Variants in CMTR1 observed in about 807,000 individuals in gnomAD.
CMTR1 encodes the protein cap-specific mRNA (nucleoside-2'-O-)-methyltransferase 1.
A neutral mutation model predicts 107.0 loss-of-function variants in CMTR1; 39 were observed. The ratio of observed to expected loss-of-function variants is 0.36; its 90% CI spans 0.28 to 0.48. CMTR1 has a LOEUF of 0.48. Among genes scored for constraint, CMTR1 ranks in the 20% least tolerant of loss-of-function variants. The pLI is 0.99. For synonymous variants in CMTR1, 366 were observed against 379.5 expected (o/e 0.96, Z 0.41); for missense variants, 672 against 1,064.9 (o/e 0.63, Z 5.14).
At position 37,472,316 on chromosome 6, in the gene CMTR1, C is replaced by A; in HGVS notation, c.1621-103C>A. The A allele has an allele frequency of 9.8e-7, 1 of 1,021,690 alleles. No individual in the cohort carries two copies. Among genetic ancestry groups the A allele is most frequent in the Non-Finnish European group, 1.5e-6 (1 of 648,084 alleles). The allele number at this position is 1,021,690 out of a possible 1,614,324, so 63.3% of individuals were successfully genotyped here. ...TAGCCTCCTTTGTTGTGTGCCATTC[C>A]TCCTCCCCAGTCTGACCCTATCTCC... is the stretch of plus-strand genomic sequence containing the variant. On this transcript the variant is annotated intron_variant, in intron 15 of 23. Transcript: ENST00000373451. The surrounding 1 kb of genome is among the most constrained non-coding windows in gnomAD (Gnocchi z 4.1).
chr6:37,449,293 G>GTTATGTTATA (rs1771880970), intron 4 of CMTR1, among the ~76,000 whole-genome samples: 1 of 151,596 alleles, frequency 6.6e-6, no homozygotes, highest in Non-Finnish European at 1.5e-5. Context: ...GTTATGTTAT[G>GTTATGTTATA]TTATGTTATG....
intron 11 of CMTR1, 98 bp downstream of exon 11, chr6:37,461,743 C>T: frequency 1.1e-6 from 1 of 922,032 alleles, no homozygotes; most frequent in Non-Finnish European, 1.7e-6. Context: ...TTAAAAAAAT[C>T]TGCTTATATT....
At chr6:37,435,889 A>G (rs1771518462) in intron 2 of CMTR1, 127 bp downstream of exon 2, 18 of 920,272 alleles carry the variant, frequency 2.0e-5, no homozygotes, top group South Asian at 2.2e-5. Context: ...GGAATACTCT[A>G]CAGAGAGATG....
Position 37,459,677 on chromosome 6 carries a change from C to G in CMTR1, c.1088C>G (p.Ala363Gly). 2 of 1,611,510 alleles carry G rather than the reference C, an allele frequency of 1.2e-6. No individual in the cohort carries two copies. Among genetic ancestry groups the G allele is most frequent in the Non-Finnish European group, 1.7e-6 (2 of 1,177,620 alleles). ...CGCAAGGGTGTCCATTTTCTGATGG[C>G]TGATGGGGTAGGTTACCTTTTTTCC... is the stretch of plus-strand genomic sequence containing the variant. ...TDRKGVHFLM[A>G]DGGFSVEGQE... Residue 363 changes from alanine (A) to glycine (G), a missense_variant, in exon 10 of 24, where the codon GCT becomes GGT. This residue lies in a region of CMTR1 where 583 missense variants were observed against 968.4 expected (regional missense o/e 0.60). Coordinates refer to ENST00000373451, the MANE Select transcript of CMTR1 (RefSeq NM_015050.3).
chr6:37,464,004 G>C (rs1268201296), intron 13 of CMTR1, among the ~76,000 whole-genome samples: 1 of 152,138 alleles, frequency 6.6e-6, no homozygotes, highest in Non-Finnish European at 1.5e-5. Flanking sequence ...GGCAGAACTG[G>C]AATTCTTTTC....
intron 4 of CMTR1, among the ~76,000 whole-genome samples, chr6:37,446,679 G>C (rs1243207830): frequency 6.6e-6 from 1 of 152,216 alleles, no homozygotes; most frequent in Non-Finnish European, 1.5e-5. Context: ...AAGACCAACG[G>C]GTAGAAGATG....
intron 14 of CMTR1, among the ~76,000 whole-genome samples, 159 bp from the exon 15 acceptor site, chr6:37,471,688 T>C (rs577380186): frequency 6.6e-6 from 1 of 152,324 alleles, no homozygotes; most frequent in South Asian, 2.1e-4. Context: ...GAGCCTTGCA[T>C]GTGTTGTAAT....
At position 37,459,548 on chromosome 6, in the gene CMTR1, ACT is replaced by A. The variant is rs766339236; in HGVS notation, c.977-15_977-14del. On this transcript the variant is annotated splice_polypyrimidine_tract_variant and intron_variant, in intron 9 of 23. Transcript: ENST00000373451. ...GTATAGGGCAGATGAACTCACTATGACTCTTGTATTCTGACAGGTGAGGGTGG... is the reference window on the plus strand; with the variant it reads ...GTATAGGGCAGATGAACTCACTATGACTTGTATTCTGACAGGTGAGGGTGG... 1.8e-5 allele frequency: 29 copies of A among 1,603,826 alleles called. No homozygotes were observed. The East Asian group carries it at 6.5e-4, about 36-fold the overall frequency.
upstream of CMTR1, among the ~76,000 whole-genome samples, chr6:37,432,457 G>A (rs373586662): frequency 6.6e-6 from 1 of 152,168 alleles, no homozygotes; most frequent in East Asian, 1.9e-4. Context: ...CTGCCGAGAG[G>A]GGGTAAGTGC....
intron 2 of CMTR1, among the ~76,000 whole-genome samples, chr6:37,438,708 C>G (rs1355110581): frequency 6.6e-6 from 1 of 152,230 alleles, no homozygotes; most frequent in African/African-American, 2.4e-5. Context: ...TAAAATGCGT[C>G]ACAGTTTTCA....
At chr6:37,463,310 A>G (rs893075991) in intron 13 of CMTR1, among the ~76,000 whole-genome samples, 1 of 152,210 alleles carries the variant, frequency 6.6e-6, no homozygotes, top group Admixed American at 6.5e-5. Context: ...TGGAGGCAGG[A>G]GTAATTTCCC....
In CMTR1 at chr6:37,481,180, C is replaced by T. The variant is rs550964059; in HGVS notation, c.*1035C>T. 413 of 1,301,482 alleles carry T rather than the reference C, an allele frequency of 3.2e-4. 1 individual carries two copies. The highest frequency in any genetic ancestry group is 8.7e-4 in the South Asian group (70 of 80,854). 80.6% of individuals were successfully genotyped at this position (1,301,482 alleles called of 1,614,324 possible). On this transcript the variant is annotated 3_prime_UTR_variant, in exon 24 of 24. Coordinates refer to ENST00000373451, the MANE Select transcript of CMTR1 (RefSeq NM_015050.3). ...TCACTCCCATTTCCTTTATCTTGGC[C>T]GACAACACAGAGAGGAGGGGGAGCT...
At chr6:37,463,810 G>A (rs1761449465) in intron 13 of CMTR1, among the ~76,000 whole-genome samples, 1 of 152,116 alleles carries the variant, frequency 6.6e-6, no homozygotes, top group South Asian at 2.1e-4. Context: ...ACTTTCCACA[G>A]TACTGCCATA....
intron 21 of CMTR1, among the ~76,000 whole-genome samples, chr6:37,478,053 TCA>T (rs1761774424): frequency 6.6e-6 from 1 of 152,174 alleles, no homozygotes; most frequent in African/African-American, 2.4e-5. Flanking sequence ...CTCACAGAAC[TCA>T]GTCTCCTTCT....
At chr6:37,459,537 AACTC>A (rs1405041543) in intron 9 of CMTR1, 25 bp from the exon 10 acceptor site, 1 of 1,586,350 alleles carries the variant, frequency 6.3e-7, no homozygotes, top group East Asian at 2.2e-5. Context: ...AGGGCAGATG[AACTC>A]ACTATGACTC....
chr6:37,446,859 A>C (rs1467246032), intron 4 of CMTR1, among the ~76,000 whole-genome samples: 1 of 152,200 alleles, frequency 6.6e-6, no homozygotes, highest in Non-Finnish European at 1.5e-5. Context: ...GTGCCTTCTA[A>C]GAAGATCCTT....
chr6:37,449,495 G>C (rs1448334082), intron 4 of CMTR1, among the ~76,000 whole-genome samples: 1 of 152,068 alleles, frequency 6.6e-6, no homozygotes, highest in African/African-American at 2.4e-5. Context: ...TTTTAGTAGA[G>C]ACGGGGTTTC....
chr6:37,456,317 A>G (rs1761293441), intron 8 of CMTR1, among the ~76,000 whole-genome samples: 1 of 152,248 alleles, frequency 6.6e-6, no homozygotes, highest in Non-Finnish European at 1.5e-5. Context: ...ATAATCCAAA[A>G]AGATGAATAA....
In CMTR1 at chr6:37,480,916, G is replaced by A. The variant is rs1761840982; in HGVS notation, c.*771G>A. 3 of 1,215,730 alleles carry A rather than the reference G, an allele frequency of 2.5e-6. No individual in the cohort carries two copies. Among genetic ancestry groups the A allele is most frequent in the Non-Finnish European group, 3.1e-6 (3 of 956,338 alleles). The allele number at this position is 1,215,730 out of a possible 1,614,324, so 75.3% of individuals were successfully genotyped here. Reference sequence around the variant, plus strand: ...AAACATTGGGCAGCGCTAGATGGCAGGAAGCAGCCTTGAAGACCCGTCTTT... The same window carrying A: ...AAACATTGGGCAGCGCTAGATGGCAAGAAGCAGCCTTGAAGACCCGTCTTT... On this transcript the variant is annotated 3_prime_UTR_variant, in exon 24 of 24. Coordinates refer to ENST00000373451, the MANE Select transcript of CMTR1 (RefSeq NM_015050.3).
Sources: gnomAD v4.1 joint callset for allele counts (sites outside exome capture counted in the v4.1 genomes callset) on GRCh38, gnomAD v4.1.1 for gene constraint, gnomAD v4.1.1 regional missense constraint, Gnocchi (gnomAD v3.1) non-coding constraint, MANE v1.5 for transcripts, NCBI Gene and HGNC (gene_info 2026-07-23, HGNC 2026-07-21) for gene names.